FNDC1: variants seen among roughly 807,000 people sequenced by gnomAD.
FNDC1 encodes the protein fibronectin type III domain containing 1.
In FNDC1, 96 loss-of-function variants were observed where a neutral mutation model predicts 168.0. The observed-to-expected ratio is 0.57, with a 90% CI of 0.48 to 0.68. The LOEUF (loss-of-function observed/expected upper bound fraction) is 0.68. Among genes scored for constraint, FNDC1 ranks in the 30% least tolerant of loss-of-function variants. FNDC1 has a pLI of 0.00. For synonymous variants in FNDC1, 1,099 were observed against 1,025.9 expected (o/e 1.07, Z -1.36); for missense variants, 2,587 against 2,482.1 (o/e 1.04, Z -0.90).
Position 159,233,475 on chromosome 6 carries a change from A to T in FNDC1, c.2963A>T (p.Gln988Leu). 1.2e-6 allele frequency: 2 copies of T among 1,605,948 alleles called. No homozygotes were observed. The highest frequency in any genetic ancestry group is 1.7e-6 in the Non-Finnish European group (2 of 1,178,674). ...PARPPAARSQ[Q>L]HPSVPRRMTP... ...CGTCCGCCCGCAGCACGGTCACAGC[A>T]GCATCCCAGTGTTCCCAGAAGGATG... Residue 988 changes from glutamine to leucine, a missense_variant, in exon 11 of 23, where the codon CAG (glutamine) becomes CTG (leucine). Transcript: ENST00000297267. This position sits in a 1 kb window ranked among gnomAD's most constrained non-coding sequence, Gnocchi z 4.6.
At chr6:159,188,144 T>A (rs1357448488) in intron 1 of FNDC1, among the ~76,000 whole-genome samples, 1 of 152,218 alleles carries the variant, frequency 6.6e-6, no homozygotes, top group Non-Finnish European at 1.5e-5. Context: ...AAGGGTTTGT[T>A]GCATTAAAGA....
chr6:159,241,981 A>AT (rs1251034719), intron 14 of FNDC1, among the ~76,000 whole-genome samples: 2 of 152,236 alleles, frequency 1.3e-5, no homozygotes, highest in African/African-American at 2.4e-5. Flanking sequence ...TGAAAGTGGT[A>AT]TTTTTTTGTG....
At chr6:159,268,723 CATCT>C (rs59162576) in intron 22 of FNDC1, among the ~76,000 whole-genome samples, 63 of 149,824 alleles carry the variant, frequency 4.2e-4, no homozygotes, top group African/African-American at 9.1e-4. Context: ...TTTATGCATC[CATCT>C]ATCTATCTAT....
chr6:159,172,938 G>A (rs1282034921), intron 1 of FNDC1, among the ~76,000 whole-genome samples: 1 of 152,190 alleles, frequency 6.6e-6, no homozygotes, highest in Non-Finnish European at 1.5e-5. Context: ...CCAAAATGTA[G>A]AAACAAAGCT....
intron 4 of FNDC1, among the ~76,000 whole-genome samples, chr6:159,205,570 T>C (rs1473476301): frequency 6.6e-6 from 1 of 152,228 alleles, no homozygotes; most frequent in Non-Finnish European, 1.5e-5. Context: ...CAGCAACTCC[T>C]GTCTTCCAAA....
intron 9 of FNDC1, among the ~76,000 whole-genome samples, chr6:159,227,506 A>C (rs1032597057): frequency 6.6e-6 from 1 of 152,144 alleles, no homozygotes; most frequent in Non-Finnish European, 1.5e-5. Flanking sequence ...ATTCATCCAA[A>C]AGTTATGTTT....
chr6:159,204,447 A>G (rs1306557602), intron 4 of FNDC1, among the ~76,000 whole-genome samples: 2 of 151,792 alleles, frequency 1.3e-5, no homozygotes, highest in African/African-American at 4.8e-5. Context: ...CTTCCTCAAC[A>G]CCCTCACGTC....
At chr6:159,246,267 T>A (rs1777119800) in intron 14 of FNDC1, among the ~76,000 whole-genome samples, 1 of 152,164 alleles carries the variant, frequency 6.6e-6, no homozygotes, top group South Asian at 2.1e-4. Context: ...ATCTCCTGAG[T>A]CAGTGAGAGT....
At chr6:159,244,584 A>G (rs1161676598) in intron 14 of FNDC1, among the ~76,000 whole-genome samples, 1 of 152,226 alleles carries the variant, frequency 6.6e-6, no homozygotes, top group Non-Finnish European at 1.5e-5. Flanking sequence ...AAACTAGGCT[A>G]AAAAGGCTGG....
intron 22 of FNDC1, among the ~76,000 whole-genome samples, chr6:159,269,292 C>CTAT (rs1562315838): frequency 0.062 from 2,383 of 38,362 alleles, 313 homozygotes; most frequent in African/African-American, 0.085. Flanking sequence ...ATCTATCTAT[C>CTAT]CATCCATCCA....
chr6:159,204,241 C>G (rs956274556), intron 4 of FNDC1, among the ~76,000 whole-genome samples: 1 of 152,198 alleles, frequency 6.6e-6, no homozygotes, highest in African/African-American at 2.4e-5. Context: ...TTCCGGGTTG[C>G]TCCCTAAATC....
rs541003289 is a variant in FNDC1 at position 159,240,077 on chromosome 6, C to T, written c.4621+120C>T. 81 of 918,582 alleles carry T rather than the reference C, an allele frequency of 8.8e-5. No individual in the cohort carries two copies. In the South Asian group the frequency reaches 1.1e-3, roughly 12 times the overall value. 56.9% of individuals were successfully genotyped at this position (918,582 alleles called of 1,614,324 possible). On this transcript the variant is annotated intron_variant, in intron 14 of 22. Transcript: ENST00000297267. ...CACCGTGCACAGCAAAGCAGCAACC[C>T]GATGCATTTTTGGTCCCAGCAGGTT...
At chr6:159,253,134 C>T (rs147905445) in intron 17 of FNDC1, among the ~76,000 whole-genome samples, 2 of 152,334 alleles carry the variant, frequency 1.3e-5, no homozygotes, top group East Asian at 3.9e-4. Context: ...GAAACGAAAC[C>T]TCAGAGCCCT....
intron 1 of FNDC1, among the ~76,000 whole-genome samples, chr6:159,182,537 G>A (rs924513162): frequency 6.6e-6 from 1 of 152,182 alleles, no homozygotes; most frequent in Middle Eastern, 3.4e-3. Context: ...CTTTCCCCTG[G>A]GCCCTGATAA....
intron 1 of FNDC1, among the ~76,000 whole-genome samples, chr6:159,188,099 AACAAAG>A (rs1388259891): frequency 6.6e-6 from 1 of 152,232 alleles, no homozygotes; most frequent in East Asian, 1.9e-4. Flanking sequence ...TTGAACTTCA[AACAAAG>A]ATGAAGTAGG....
chr6:159,227,269 A>G (rs1782973139), intron 9 of FNDC1, among the ~76,000 whole-genome samples: 1 of 152,244 alleles, frequency 6.6e-6, no homozygotes, highest in Non-Finnish European at 1.5e-5. Flanking sequence ...GCCATGCTGA[A>G]GTTTTTCCTG....
chr6:159,170,493 G>T (rs562028191), intron 1 of FNDC1, among the ~76,000 whole-genome samples: 18 of 152,310 alleles, frequency 1.2e-4, no homozygotes, highest in Admixed American at 1.2e-3. Context: ...TTGTGGCGAG[G>T]TTTTCATTCC....
chr6:159,233,102 C>A lies in FNDC1; in HGVS notation c.2590C>A (p.His864Asn). 6.2e-7 allele frequency: 1 copy of A among 1,602,706 alleles called. No individual in the cohort carries two copies. Among genetic ancestry groups the A allele is most frequent in the Non-Finnish European group, 8.5e-7 (1 of 1,174,858 alleles). Reference sequence around the variant, plus strand: ...CCGAGCCCACCCCAGGGTTCCCTCTCACTCTGATTCCCACCCTAAGCTTAG... The same window carrying A: ...CCGAGCCCACCCCAGGGTTCCCTCTAACTCTGATTCCCACCCTAAGCTTAG... ...PSRAHPRVPS[H>N]SDSHPKLSSG... Residue 864 changes from histidine to asparagine, a missense_variant, in exon 11 of 23, where the codon CAC becomes AAC. His to Asn is a moderately conservative substitution (Grantham distance 68, BLOSUM62 1). Transcript: ENST00000297267. This position sits in a 1 kb window ranked among gnomAD's most constrained non-coding sequence, Gnocchi z 4.6.
intron 12 of FNDC1, 21 bp from the exon 13 acceptor site, chr6:159,238,533 T>C (rs1241506390): frequency 6.6e-7 from 1 of 1,522,398 alleles, no homozygotes; most frequent in East Asian, 2.3e-5. Flanking sequence ...ATATATTCTT[T>C]AATCTATGTC....
Sources: allele counts gnomAD v4.1 joint callset (sites outside exome capture counted in the v4.1 genomes callset), GRCh38; gene constraint gnomAD v4.1.1; non-coding constraint Gnocchi (gnomAD v3.1); transcripts MANE v1.5; gene names NCBI Gene and HGNC (gene_info 2026-07-23, HGNC 2026-07-21).